MYO5B: variants seen among roughly 807,000 people sequenced by gnomAD.
The protein encoded by MYO5B is unconventional myosin-Vb.
In MYO5B, 143 loss-of-function variants were observed where a neutral mutation model predicts 229.3. The ratio of observed to expected loss-of-function variants is 0.62; its 90% CI spans 0.54 to 0.72. The LOEUF (loss-of-function observed/expected upper bound fraction) is 0.72. Ranked by LOEUF, MYO5B falls within the 30% of genes least tolerant of loss-of-function variation. The probability of loss-of-function intolerance (pLI) is 0.00; values close to 1 mark genes in which losing one functional copy is unlikely to be tolerated. For synonymous variants in MYO5B, 918 were observed against 885.2 expected (o/e 1.04, Z -0.66); for missense variants, 2,321 against 2,331.0 (o/e 1.00, Z 0.09).
At chr18:50,148,146 T>A (rs933194481) in intron 1 of MYO5B, among the ~76,000 whole-genome samples, 5 of 151,218 alleles carry the variant, frequency 3.3e-5, no homozygotes, top group Non-Finnish European at 5.9e-5. Flanking sequence ...AGAAGTTGAA[T>A]CTCTGAATAG....
At chr18:50,168,004 A>G (rs1212683052) in intron 1 of MYO5B, among the ~76,000 whole-genome samples, 1 of 152,242 alleles carries the variant, frequency 6.6e-6, no homozygotes, top group Non-Finnish European at 1.5e-5. Flanking sequence ...AAGTTGTTAA[A>G]TTTCACATAG....
intron 10 of MYO5B, among the ~76,000 whole-genome samples, chr18:49,973,642 CTG>C (rs1288184708): frequency 6.6e-6 from 1 of 152,188 alleles, no homozygotes; most frequent in Non-Finnish European, 1.5e-5. Context: ...CTCAGGGAGA[CTG>C]TGGCTCAAAA....
chr18:49,909,921 C>A (rs1024586571), intron 18 of MYO5B, among the ~76,000 whole-genome samples: 4 of 152,220 alleles, frequency 2.6e-5, no homozygotes, highest in Admixed American at 6.5e-5. Context: ...GCTCCCCCTG[C>A]GTATTAGGCT....
In MYO5B at chr18:50,121,215, G is replaced by A. The variant is rs142818861; in HGVS notation, c.28-65837C>T. Among the ~76,000 whole-genome samples the A allele has an allele frequency of 1.6e-4, 24 of 152,238 alleles. No individual in the cohort carries two copies. The East Asian group carries it at 2.1e-3, about 13-fold the overall frequency. On this transcript the variant is annotated intron_variant, in intron 1 of 39. Transcript: ENST00000285039. ...TGCAGTAGCACCATCAGCCCCCAGC[G>A]TGCCCACGTGGTCTTCATTCCAAAG...
intron 4 of MYO5B, among the ~76,000 whole-genome samples, chr18:50,002,978 G>T (rs933111487): frequency 6.6e-6 from 1 of 152,170 alleles, no homozygotes; most frequent in Non-Finnish European, 1.5e-5. Context: ...CAGCACAGGG[G>T]AATGAATGTC....
Position 49,904,773 on chromosome 18 carries a change from G to T in MYO5B, c.2470C>A (p.Arg824Ser), listed in dbSNP as rs777038090. 1 of 1,613,858 alleles carries T rather than the reference G, an allele frequency of 6.2e-7. No homozygotes were observed. The highest frequency in any genetic ancestry group is 8.5e-7 in the Non-Finnish European group (1 of 1,180,036). ...TAGGCCTGGCGGGCCCTCTGCATGC[G>T]GTAATGTTTCTGGAGCACCACAGCC... ...RAAVVLQKHY[R>S]MQRARQAYQR... The change falls in exon 20 of 40, where the codon CGC (arginine) becomes AGC (serine). Residue 824 changes from arginine (R) to serine (S), a missense_variant. Transcript: ENST00000285039.
Position 49,962,296 on chromosome 18 carries a change from A to G in MYO5B, c.1515T>C (p.Gly505=), listed in dbSNP as rs912492252. ...PCIDLIEAKL[G]ILDLLDEECK... ...ATTCTTCATCCAACAGGTCCAAGATACCCAGCTTGGCTTCAATGAGGTCGA... is the reference window on the plus strand; with the variant it reads ...ATTCTTCATCCAACAGGTCCAAGATGCCCAGCTTGGCTTCAATGAGGTCGA... The change falls in exon 12 of 40, where the codon GGT becomes GGC. Residue 505 remains glycine, a synonymous_variant. Transcript: ENST00000285039. 2 of 1,614,092 alleles carry G rather than the reference A, an allele frequency of 1.2e-6. No individual in the cohort carries two copies. The highest frequency in any genetic ancestry group is 2.7e-5 in the African/African-American group (2 of 74,942).
intron 14 of MYO5B, among the ~76,000 whole-genome samples, chr18:49,943,027 A>G (rs1459177519): frequency 6.6e-6 from 1 of 152,124 alleles, no homozygotes; most frequent in Non-Finnish European, 1.5e-5. Context: ...ATGGAATACT[A>G]TGCAGTCATA....
At chr18:50,146,944 G>A (rs1049821538) in intron 1 of MYO5B, among the ~76,000 whole-genome samples, 1 of 152,138 alleles carries the variant, frequency 6.6e-6, no homozygotes, top group Non-Finnish European at 1.5e-5. Flanking sequence ...CCCCCTCAGA[G>A]TATTTTTCAC....
intron 2 of MYO5B, among the ~76,000 whole-genome samples, chr18:50,040,797 C>T (rs2029993805): frequency 6.6e-6 from 1 of 152,182 alleles, no homozygotes; most frequent in African/African-American, 2.4e-5. Flanking sequence ...CCCCAACTAA[C>T]TGCACGTTCT....
chr18:50,040,996 G>A (rs550973575), intron 2 of MYO5B, among the ~76,000 whole-genome samples: 106 of 152,116 alleles, frequency 7.0e-4, no homozygotes, highest in African/African-American at 1.9e-3. Context: ...TATAACCCTC[G>A]GTACATGTAT....
At chr18:50,110,321 T>C (rs527890678) in intron 1 of MYO5B, among the ~76,000 whole-genome samples, 1 of 152,258 alleles carries the variant, frequency 6.6e-6, no homozygotes, top group African/African-American at 2.4e-5. Flanking sequence ...CCTGCTTATC[T>C]CCCTCACCAT....
At chr18:50,038,723 T>C (rs12185339) in intron 3 of MYO5B, among the ~76,000 whole-genome samples, 24,113 of 152,164 alleles carry the variant, frequency 0.16, 1,995 homozygotes, top group South Asian at 0.23. Context: ...GGAGTCAAGA[T>C]GCATTTGGAT....
At chr18:50,012,079 G>A (rs185895482) in intron 4 of MYO5B, among the ~76,000 whole-genome samples, 1 of 151,816 alleles carries the variant, frequency 6.6e-6, no homozygotes, top group African/African-American at 2.4e-5. Context: ...GTGGAGCTTA[G>A]GAAACTACTT....
At chr18:49,862,585 G>C (rs925074292) in intron 29 of MYO5B, among the ~76,000 whole-genome samples, 2 of 152,178 alleles carry the variant, frequency 1.3e-5, no homozygotes, top group Non-Finnish European at 1.5e-5. Context: ...CTCTGCCTTG[G>C]GGGTCTGCGT....
intron 14 of MYO5B, among the ~76,000 whole-genome samples, chr18:49,939,154 T>C (rs1012738228): frequency 2.7e-5 from 4 of 148,160 alleles, no homozygotes; most frequent in African/African-American, 7.4e-5. Context: ...TTTTCTTTTT[T>C]TTTTTTTTTT....
At chr18:49,874,538 C>T (rs2024493866) in intron 26 of MYO5B, among the ~76,000 whole-genome samples, 1 of 152,192 alleles carries the variant, frequency 6.6e-6, no homozygotes, top group Non-Finnish European at 1.5e-5. Flanking sequence ...ATTTACCTCC[C>T]CACTTACTGC....
chr18:49,923,424 A>T (rs142043991), intron 17 of MYO5B, among the ~76,000 whole-genome samples: 330 of 152,310 alleles, frequency 2.2e-3, no homozygotes, highest in Non-Finnish European at 3.2e-3. Flanking sequence ...AAGGCCAGAA[A>T]CTGTTCTCAT....
At chr18:50,006,694 G>T (rs2026105425) in intron 4 of MYO5B, among the ~76,000 whole-genome samples, 1 of 152,164 alleles carries the variant, frequency 6.6e-6, no homozygotes, top group African/African-American at 2.4e-5. Flanking sequence ...GCTTTAGGCT[G>T]ATGAGCAAGA....
Sources: allele counts gnomAD v4.1 joint callset (sites outside exome capture counted in the v4.1 genomes callset), GRCh38; gene constraint gnomAD v4.1.1; transcripts MANE v1.5; gene names NCBI Gene and HGNC (gene_info 2026-07-23, HGNC 2026-07-21).